Variants in METTL15 observed in about 807,000 individuals in gnomAD.
METTL15 encodes the protein 12S rRNA N(4)-cytidine methyltransferase METTL15.
METTL15 carries 34 observed loss-of-function variants against 38.3 expected under a neutral mutation model. The ratio of observed to expected loss-of-function variants is 0.89; its 90% CI spans 0.68 to 1.18. The LOEUF (loss-of-function observed/expected upper bound fraction) is 1.18. Ranked by LOEUF, METTL15 falls within the 50% of genes most tolerant of loss-of-function variation. METTL15 has a pLI of 0.00. For missense variants in METTL15, 438 were observed against 498.4 expected (o/e 0.88, Z 1.15); for synonymous variants, 162 against 170.9 (o/e 0.95, Z 0.41).
chr11:28,161,748 G>GGAT (rs1850473902), intron 3 of METTL15, among the ~76,000 whole-genome samples: 2 of 151,954 alleles, frequency 1.3e-5, no homozygotes, highest in South Asian at 4.2e-4. Context: ...AAGGAACATA[G>GGAT]GATGAGTGAT....
At chr11:28,108,805 G>T (rs1851594617) in intron 1 of METTL15, among the ~76,000 whole-genome samples, 1 of 152,072 alleles carries the variant, frequency 6.6e-6, no homozygotes, top group Non-Finnish European at 1.5e-5. Context: ...AAAGATTTTG[G>T]CTTGGTTTAT....
intron 4 of METTL15, among the ~76,000 whole-genome samples, chr11:28,287,075 A>T (rs1856297471): frequency 6.6e-6 from 1 of 151,094 alleles, no homozygotes; most frequent in African/African-American, 2.4e-5. Flanking sequence ...ATATATATGT[A>T]CATGCACACA....
intron 4 of METTL15, among the ~76,000 whole-genome samples, chr11:28,249,840 A>T (rs1379487987): frequency 6.6e-6 from 1 of 151,920 alleles, no homozygotes; most frequent in Non-Finnish European, 1.5e-5. Flanking sequence ...AATAAGCACA[A>T]TACCTGATAG....
intron 5 of METTL15, chr11:28,398,995 A>G (rs1850603015): frequency 1.3e-5 from 2 of 152,200 alleles, no homozygotes; most frequent in Admixed American, 6.6e-5. Context: ...AGCCAAGACC[A>G]TACTAAGCAA....
intron 6 of METTL15, among the ~76,000 whole-genome samples, chr11:28,436,095 T>G (rs1340956934): frequency 2.0e-5 from 3 of 152,244 alleles, no homozygotes; most frequent in African/African-American, 7.2e-5. Flanking sequence ...GAAATCTCAT[T>G]GCTTAAATCC....
At chr11:28,250,766 A>G (rs570940166) in intron 4 of METTL15, among the ~76,000 whole-genome samples, 8 of 152,016 alleles carry the variant, frequency 5.3e-5, no homozygotes, top group Non-Finnish European at 1.2e-4. Context: ...TTTACCTGCC[A>G]GAAAAAGCAT....
At chr11:28,356,960 T>G (rs1850095939) in intron 4 of METTL15, among the ~76,000 whole-genome samples, 2 of 152,194 alleles carry the variant, frequency 1.3e-5, no homozygotes, top group African/African-American at 4.8e-5. Context: ...CAGGACTCAT[T>G]TCTCGAGGAG....
chr11:28,119,586 C>T (rs1361897974), intron 3 of METTL15, among the ~76,000 whole-genome samples: 4 of 152,022 alleles, frequency 2.6e-5, no homozygotes, highest in African/African-American at 9.7e-5. Context: ...TTGCTAGGTT[C>T]GGTTATAAAT....
At chr11:28,257,215 G>T (rs1218391750) in intron 4 of METTL15, among the ~76,000 whole-genome samples, 2 of 152,078 alleles carry the variant, frequency 1.3e-5, no homozygotes, top group African/African-American at 4.8e-5. Context: ...TGCCACTCTT[G>T]CCTGGCTTGT....
At position 28,115,235 on chromosome 11, in the gene METTL15, T is replaced by C. The variant is rs2133592605; in HGVS notation, c.270+1631T>C. Among the ~76,000 whole-genome samples the C allele has an allele frequency of 1.3e-5, 2 of 152,164 alleles. 1 individual carries two copies. The highest frequency in any genetic ancestry group is 3.9e-4 in the East Asian group (2 of 5,172). ...ACCTTGCTGAAAACATAAACACATA[T>C]TTCTTTTTTTCTTTTTCTTTCTCGT... is the stretch of plus-strand genomic sequence containing the variant. On this transcript the variant is annotated intron_variant, in intron 3 of 6. Transcript: ENST00000407364.
intron 3 of METTL15, among the ~76,000 whole-genome samples, chr11:28,201,031 G>T (rs142749682): frequency 3.3e-5 from 5 of 152,102 alleles, no homozygotes; most frequent in Non-Finnish European, 7.4e-5. Flanking sequence ...CATTCAATAT[G>T]ATGTTGGCTG....
At chr11:28,368,475 T>C (rs1850211103) in intron 5 of METTL15, among the ~76,000 whole-genome samples, 1 of 152,220 alleles carries the variant, frequency 6.6e-6, no homozygotes, top group South Asian at 2.1e-4. Flanking sequence ...CCAGTTAGAA[T>C]GGTGATCATT....
intron 4 of METTL15, among the ~76,000 whole-genome samples, chr11:28,237,025 GC>G (rs1854019601): frequency 6.6e-6 from 1 of 152,078 alleles, no homozygotes; most frequent in South Asian, 2.1e-4. Context: ...CTCTGTGGCT[GC>G]CCTTATAATT....
chr11:28,302,055 C>T (rs901923226), intron 6 of METTL15, among the ~76,000 whole-genome samples: 5 of 151,900 alleles, frequency 3.3e-5, no homozygotes, highest in Admixed American at 6.6e-5. Context: ...ACTACGGGTG[C>T]CCAACATCAC....
chr11:28,466,430 T>C (rs1851257220), intron 6 of METTL15, among the ~76,000 whole-genome samples: 2 of 152,316 alleles, frequency 1.3e-5, no homozygotes, highest in Admixed American at 6.5e-5. Flanking sequence ...AAGTTGAATA[T>C]TGGGGCCCAG....
At chr11:28,204,587 GAC>G (rs1852244782) in intron 3 of METTL15, among the ~76,000 whole-genome samples, 1 of 151,676 alleles carries the variant, frequency 6.6e-6, no homozygotes, top group African/African-American at 2.4e-5. Flanking sequence ...GACTTAATAA[GAC>G]ACAGAGAGGT....
chr11:28,407,048 G>T (rs984589166), intron 5 of METTL15, among the ~76,000 whole-genome samples: 3 of 152,108 alleles, frequency 2.0e-5, no homozygotes, highest in Non-Finnish European at 2.9e-5. Context: ...CTCAATCGTG[G>T]TCGATAAGCT....
chr11:28,378,619 C>G (rs1000533001), intron 5 of METTL15, among the ~76,000 whole-genome samples: 4 of 152,148 alleles, frequency 2.6e-5, no homozygotes, highest in African/African-American at 4.8e-5. Flanking sequence ...CCTTCTTCTG[C>G]GTCGCTCAGG....
At chr11:28,389,015 C>A (rs1319412111) in intron 5 of METTL15, among the ~76,000 whole-genome samples, 1 of 152,028 alleles carries the variant, frequency 6.6e-6, no homozygotes, top group Non-Finnish European at 1.5e-5. Context: ...ATGAACTCAT[C>A]CTTTTTTATG....
Sources: allele counts gnomAD v4.1 joint callset (sites outside exome capture counted in the v4.1 genomes callset), GRCh38; gene constraint gnomAD v4.1.1; transcripts MANE v1.5; gene names NCBI Gene and HGNC (gene_info 2026-07-23, HGNC 2026-07-21).